Variants in PRKRA observed in about 807,000 individuals in gnomAD.
PRKRA encodes protein activator of interferon induced protein kinase EIF2AK2.
Under a neutral mutation model 32.4 loss-of-function variants are expected in PRKRA, and 22 were observed. The ratio of observed to expected loss-of-function variants is 0.68; its 90% CI spans 0.49 to 0.97. The LOEUF is 0.97. Ranked by LOEUF, PRKRA falls within the 50% of genes least tolerant of loss-of-function variation. PRKRA has a pLI of 0.00. For synonymous variants in PRKRA, 139 were observed against 129.8 expected (o/e 1.07, Z -0.48); for missense variants, 319 against 375.6 (o/e 0.85, Z 1.25).
rs572907267 is a variant in PRKRA, at chr2:178,450,531, C to T, written c.66-120G>A. ...GGGAGGCGCCGAGTTCCCCGGAGGC[C>T]AGGGCCAGAGCTGGCGAGGCTGGGG... On this transcript the variant is annotated intron_variant, in intron 1 of 7. Coordinates refer to ENST00000325748, the MANE Select transcript of PRKRA (RefSeq NM_003690.5). The T allele has an allele frequency of 1.6e-3, 2,500 of 1,584,054 alleles. 50 individuals carry two copies. In the South Asian group the frequency reaches 0.018, roughly 12 times the overall value.
chr2:178,450,339 G>C lies in PRKRA; in HGVS notation c.138C>G (p.Thr46=), dbSNP rs1165721501. Residue 46 remains threonine (T), a synonymous_variant, in exon 2 of 8, where the codon ACC becomes ACG. Transcript: ENST00000325748. ...CACATTCATAAACTGGGATGTTCTT[G>C]GTCTTCATGCCGTATTCGTGTAATA... The part of the protein sequence containing the change: ...IQVLHEYGMK[T]KNIPVYECER... 2 of 1,614,254 alleles carry C rather than the reference G, an allele frequency of 1.2e-6. No homozygotes were observed. The highest frequency in any genetic ancestry group is 3.3e-5 in the Admixed American group (2 of 60,028).
At chr2:178,447,634 G>A in intron 2 of PRKRA, 48 bp from the exon 3 acceptor site, 3 of 1,286,320 alleles carry the variant, frequency 2.3e-6, no homozygotes, top group Admixed American at 2.5e-5. Flanking sequence ...ACAAAAATGT[G>A]CAGCTTACAA....
chr2:178,434,312 T>C (rs1398610942), intron 7 of PRKRA, among the ~76,000 whole-genome samples: 4 of 152,064 alleles, frequency 2.6e-5, no homozygotes, highest in Non-Finnish European at 1.5e-5. Flanking sequence ...GGTTTCACCG[T>C]GTTGGTCAGG....
chr2:178,449,066 C>G (rs755451929), intron 2 of PRKRA, among the ~76,000 whole-genome samples: 1 of 152,186 alleles, frequency 6.6e-6, no homozygotes, highest in Admixed American at 6.6e-5. Context: ...AGTCTTTAGA[C>G]AGTATCAGAA....
chr2:178,434,310 C>G (rs992651786), intron 7 of PRKRA, among the ~76,000 whole-genome samples: 1 of 151,970 alleles, frequency 6.6e-6, no homozygotes, highest in African/African-American at 2.4e-5. Flanking sequence ...AGGGTTTCAC[C>G]GTGTTGGTCA....
chr2:178,445,358 G>GT (rs536663881), intron 3 of PRKRA: 29,117 of 150,438 alleles, frequency 0.19, 3,121 homozygotes, highest in East Asian at 0.51. Flanking sequence ...CTTCCTCAAG[G>GT]TTTTTTTTTT....
chr2:178,442,557 G>C (rs372540438), intron 5 of PRKRA, among the ~76,000 whole-genome samples: 1 of 152,136 alleles, frequency 6.6e-6, no homozygotes, highest in Admixed American at 6.5e-5. Flanking sequence ...TTAACTTCGC[G>C]AATCAAGGAC....
intron 2 of PRKRA, among the ~76,000 whole-genome samples, chr2:178,449,090 A>G (rs1697435598): frequency 6.6e-6 from 1 of 152,224 alleles, no homozygotes; most frequent in Non-Finnish European, 1.5e-5. Flanking sequence ...ATGGAGGCAG[A>G]TAAGCTTGCA....
chr2:178,447,924 A>C (rs1419355919), intron 2 of PRKRA, among the ~76,000 whole-genome samples: 1 of 152,266 alleles, frequency 6.6e-6, no homozygotes, highest in Non-Finnish European at 1.5e-5. Flanking sequence ...CACACCTCTG[A>C]AGAAATGCAG....
At chr2:178,445,294 C>T (rs1697276107) in intron 3 of PRKRA, 1 of 152,046 alleles carries the variant, frequency 6.6e-6, no homozygotes, top group Non-Finnish European at 1.5e-5. Flanking sequence ...AGGTTAGTAC[C>T]ACCTAGGCAA....
intron 4 of PRKRA, chr2:178,443,682 AACACC>A: frequency 3.0e-6 from 1 of 337,676 alleles, no homozygotes; most frequent in Non-Finnish European, 5.7e-6. Context: ...CCTCTTTGGC[AACACC>A]AGAGGAGACC....
chr2:178,451,111 A>C lies in PRKRA; in HGVS notation c.-81T>G, dbSNP rs909222423. On this transcript the variant is annotated 5_prime_UTR_variant, in exon 1 of 8. Transcript: ENST00000325748. ...GCTCCCCGGGTCGCTGGTCCCCGGG[A>C]GGAGCTCCAGCGCCGCCACCTCCTC... 50 of 1,466,710 alleles carry C rather than the reference A, an allele frequency of 3.4e-5. 1 individual carries two copies. In the South Asian group the frequency reaches 6.2e-4, roughly 18 times the overall value. The allele number at this position is 1,466,710 out of a possible 1,614,324, so 90.9% of individuals were successfully genotyped here. A position where few individuals can be genotyped will look rare whatever the true frequency, so the allele number is the denominator to read the frequency against.
At chr2:178,444,583 C>A (rs1178015442) in intron 3 of PRKRA, 83 bp from the exon 4 acceptor site, 1 of 1,113,354 alleles carries the variant, frequency 9.0e-7, no homozygotes, top group African/African-American at 1.6e-5. Context: ...CTAATTAACT[C>A]TCTATGTCTT....
In PRKRA at chr2:178,436,292, A is replaced by T; in HGVS notation, c.637T>A (p.Cys213Ser). ...GAATTCCTCAAGGAATGCCAAGTACATCCTAAAGAATGTCCTACTACATTT... is the reference window on the plus strand; with the variant it reads ...GAATTCCTCAAGGAATGCCAAGTACTTCCTAAAGAATGTCCTACTACATTT... ...LTNVVGHSLGCTWHSLRNSPG... is the reference protein window; with the variant it reads ...LTNVVGHSLGSTWHSLRNSPG... The change falls in exon 7 of 8, where the codon TGT becomes AGT. Residue 213 changes from cysteine (C) to serine (S), a missense_variant. Coordinates refer to ENST00000325748, the MANE Select transcript of PRKRA (RefSeq NM_003690.5). 6.2e-7 allele frequency: 1 copy of T among 1,613,950 alleles called. No homozygotes were observed.
At position 178,447,531 on chromosome 2, in the gene PRKRA, G is replaced by A. The variant is rs2154125405; in HGVS notation, c.291C>T (p.Asn97=). Residue 97 remains asparagine (N), a synonymous_variant, in exon 3 of 8, where the codon AAC becomes AAT. Transcript: ENST00000325748. ...AAATACTTGCATTGGCTTTCAAAAT[G>A]TTTATGGCAGCCTCTGCAGCTCTAT... ...AKHRAAEAAI[N]ILKANASICF... 6.2e-7 allele frequency: 1 copy of A among 1,614,086 alleles called. No individual in the cohort carries two copies. The highest frequency in any genetic ancestry group is 2.2e-5 in the East Asian group (1 of 44,874).
Position 178,447,493 on chromosome 2 carries a change from A to AGGGTCAGGC in PRKRA, c.317+11_317+12insGCCTGACCC, listed in dbSNP as rs1291482733. On this transcript the variant is annotated intron_variant, in intron 3 of 7. Coordinates refer to ENST00000325748, the MANE Select transcript of PRKRA (RefSeq NM_003690.5). Reference sequence around the variant, plus strand: ...ATTTTTGAGCTGCTGAATACAAAGAAATTTAGCTCACCAAATACTTGCATT... The same window carrying AGGGTCAGGC: ...ATTTTTGAGCTGCTGAATACAAAGAAGGGTCAGGCATTTAGCTCACCAAATACTTGCATT... 318 of 1,011,828 alleles carry AGGGTCAGGC rather than the reference A, an allele frequency of 3.1e-4. 1 individual carries two copies. In the East Asian group the frequency reaches 8.6e-3, roughly 28 times the overall value. 62.7% of individuals were successfully genotyped at this position (1,011,828 alleles called of 1,614,324 possible).
At chr2:178,450,934 G>A in intron 1 of PRKRA, 32 bp downstream of exon 1, 1 of 862,026 alleles carries the variant, frequency 1.2e-6, no homozygotes, top group Non-Finnish European at 1.6e-6. Context: ...CAACGCTCCC[G>A]GCCCTGGGGC....
chr2:178,434,678 G>A (rs1013076330), intron 7 of PRKRA, among the ~76,000 whole-genome samples: 8 of 152,022 alleles, frequency 5.3e-5, no homozygotes, highest in South Asian at 2.1e-4. Flanking sequence ...CACTTCACCC[G>A]TCCTTCAATC....
At chr2:178,446,950 G>A (rs989903363) in intron 3 of PRKRA, among the ~76,000 whole-genome samples, 8 of 126,448 alleles carry the variant, frequency 6.3e-5, no homozygotes, top group East Asian at 2.5e-4. Flanking sequence ...CCGAGATCCC[G>A]CCACTGCACT....
Sources: gnomAD v4.1 joint callset for allele counts (sites outside exome capture counted in the v4.1 genomes callset) on GRCh38, gnomAD v4.1.1 for gene constraint, MANE v1.5 for transcripts, NCBI Gene and HGNC (gene_info 2026-07-23, HGNC 2026-07-21) for gene names.